The following DMBX1 variants were observed in gnomAD, a reference collection of about 807,000 sequenced individuals.
DMBX1 encodes diencephalon/mesencephalon homeobox 1.
In DMBX1, 7 loss-of-function variants were observed where a neutral mutation model predicts 30.4. That is an observed-to-expected ratio of 0.23 (90% CI 0.13 to 0.43). The LOEUF is 0.43. Ranked by LOEUF, DMBX1 falls within the 20% of genes least tolerant of loss-of-function variation. The pLI is 1.00. For synonymous variants in DMBX1, 222 were observed against 214.2 expected (o/e 1.04, Z -0.32); for missense variants, 460 against 508.5 (o/e 0.90, Z 0.92).
chr1:46,498,938 C>T (rs1450527368), intron 2 of DMBX1, among the ~76,000 whole-genome samples: 2 of 152,174 alleles, frequency 1.3e-5, no homozygotes, highest in African/African-American at 4.8e-5. Flanking sequence ...AGGAGCTTAG[C>T]AGGGAAGATT....
intron 3 of DMBX1, among the ~76,000 whole-genome samples, chr1:46,508,722 A>G (rs916371191): frequency 6.6e-6 from 1 of 152,180 alleles, no homozygotes; most frequent in Non-Finnish European, 1.5e-5. Context: ...CATGAACTCC[A>G]AGTGAGCCTT....
intron 3 of DMBX1, among the ~76,000 whole-genome samples, chr1:46,507,840 G>A (rs553291388): frequency 1.3e-5 from 2 of 152,294 alleles, no homozygotes; most frequent in Admixed American, 1.3e-4. Context: ...ATAAAAAGGA[G>A]ACAATGGCCA....
rs999236367 is a variant in DMBX1, at chr1:46,514,843, G to A, written c.*2349G>A. Among the ~76,000 whole-genome samples, 13 of 152,188 alleles carry A rather than the reference G, an allele frequency of 8.5e-5. No individual in the cohort carries two copies. Among genetic ancestry groups the A allele is most frequent in the South Asian group, 4.1e-4 (2 of 4,826 alleles). ...CCCTTGATGGGGGTCAGCCTAGGCTGGGGCAGATGGAGAAGGCTTTGGACA... is the reference window on the plus strand; with the variant it reads ...CCCTTGATGGGGGTCAGCCTAGGCTAGGGCAGATGGAGAAGGCTTTGGACA... On this transcript the variant is annotated 3_prime_UTR_variant, in exon 6 of 6. Coordinates refer to ENST00000360032, the MANE Select transcript of DMBX1 (RefSeq NM_172225.2).
chr1:46,498,204 G>A (rs1666060911), intron 2 of DMBX1, among the ~76,000 whole-genome samples: 1 of 152,176 alleles, frequency 6.6e-6, no homozygotes, highest in Non-Finnish European at 1.5e-5. Flanking sequence ...CACTGGGCAG[G>A]GGTCACCCTC....
intron 2 of DMBX1, among the ~76,000 whole-genome samples, chr1:46,495,790 T>C (rs963830222): frequency 6.6e-6 from 1 of 152,172 alleles, no homozygotes; most frequent in Non-Finnish European, 1.5e-5. Context: ...GCAAGCTTAA[T>C]GCAAGTCAGG....
rs1348193838 is a variant in DMBX1, at chr1:46,491,607, G to A, written c.-13+824G>A. On this transcript the variant is annotated intron_variant, in intron 2 of 5. Transcript: ENST00000360032. The surrounding 1 kb of genome is among the most constrained non-coding windows in gnomAD (Gnocchi z 5.5). The stretch of plus-strand genomic sequence containing the variant: ...GTGCAAGTTCCTACCTGGCTGTGGC[G>A]ATGGCAGGGCGACCAGAGTCCTTTC... Among the ~76,000 whole-genome samples the A allele has an allele frequency of 3.3e-5, 5 of 152,354 alleles. No homozygotes were observed. The South Asian group carries it at 8.3e-4, about 25-fold the overall frequency.
At position 46,507,169 on chromosome 1, in the gene DMBX1, G is replaced by GC; in HGVS notation, c.154+5_154+6insC. 6.2e-7 allele frequency: 1 copy of GC among 1,614,042 alleles called. No homozygotes were observed. Among genetic ancestry groups the GC allele is most frequent in the African/African-American group, 1.3e-5 (1 of 75,060 alleles). ...CATTGGCTGAGCGCCTGGCTGGTAAGGGCCCTGGGGATGGGACCATGGGGA... is the reference window on the plus strand; with the variant it reads ...CATTGGCTGAGCGCCTGGCTGGTAAGCGGCCCTGGGGATGGGACCATGGGGA... On this transcript the variant is annotated splice_donor_region_variant and intron_variant, in intron 3 of 5. Transcript: ENST00000360032.
rs1312492329 is a variant in DMBX1 at position 46,511,180 on chromosome 1, C to T, written c.579C>T (p.Asp193=). Reference sequence around the variant, plus strand: ...AGTCAGCCCCCGAGGATCAGCCGGACCGTGAGGAGGACCCCAGGGCAGGGG... The same window carrying T: ...AGTCAGCCCCCGAGGATCAGCCGGATCGTGAGGAGGACCCCAGGGCAGGGG... ...ASESAPEDQP[D]REEDPRAGAE... Residue 193 remains aspartate, a synonymous_variant, in exon 5 of 6, where the codon GAC becomes GAT. Coordinates refer to ENST00000360032, the MANE Select transcript of DMBX1 (RefSeq NM_172225.2). 1.9e-6 allele frequency: 3 copies of T among 1,613,638 alleles called. No homozygotes were observed. Among genetic ancestry groups the T allele is most frequent in the African/African-American group, 2.7e-5 (2 of 74,918 alleles).
At chr1:46,490,495 G>A (rs1196640397) in intron 1 of DMBX1, among the ~76,000 whole-genome samples, 149 bp from the exon 2 acceptor site, 4 of 152,212 alleles carry the variant, frequency 2.6e-5, no homozygotes, top group African/African-American at 9.6e-5. Context: ...GGAGCCCTGG[G>A]CGGGGGCTGG....
chr1:46,509,639 C>T (rs1483480371), intron 3 of DMBX1, among the ~76,000 whole-genome samples: 1 of 152,114 alleles, frequency 6.6e-6, no homozygotes, highest in East Asian at 1.9e-4. Flanking sequence ...TATCATGTTA[C>T]CAGACATGTG....
At chr1:46,499,046 CTT>C (rs1244109519) in intron 2 of DMBX1, among the ~76,000 whole-genome samples, 4 of 145,078 alleles carry the variant, frequency 2.8e-5, no homozygotes. Flanking sequence ...CTTTTCTTTT[CTT>C]TTTTTTTTTT....
In DMBX1 at chr1:46,491,421, G is replaced by T. The variant is rs1043042326; in HGVS notation, c.-13+638G>T. On this transcript the variant is annotated intron_variant, in intron 2 of 5. Coordinates refer to ENST00000360032, the MANE Select transcript of DMBX1 (RefSeq NM_172225.2). The surrounding 1 kb of genome is among the most constrained non-coding windows in gnomAD (Gnocchi z 5.5). ...AGAAGGTCTTTTTCGTTTGAGAAAA[G>T]TCCTCGGAGGCCGGGGCAGGGTGCG... Among the ~76,000 whole-genome samples, 3 of 152,364 alleles carry T rather than the reference G, an allele frequency of 2.0e-5. No homozygotes were observed. Among genetic ancestry groups the T allele is most frequent in the African/African-American group, 7.2e-5 (3 of 41,594 alleles).
chr1:46,504,143 A>G (rs926985104), intron 2 of DMBX1, among the ~76,000 whole-genome samples: 2 of 150,774 alleles, frequency 1.3e-5, no homozygotes, highest in East Asian at 3.9e-4. Context: ...GGTTGCAAAA[A>G]TTTTCTCCCA....
At position 46,515,811 on chromosome 1, in the gene DMBX1, C is replaced by T. The variant is rs1666479489; in HGVS notation, c.*3317C>T. Among the ~76,000 whole-genome samples, 1 of 152,360 alleles carries T rather than the reference C, an allele frequency of 6.6e-6. No homozygotes were observed. Among genetic ancestry groups the T allele is most frequent in the African/African-American group, 2.4e-5 (1 of 41,602 alleles). On this transcript the variant is annotated 3_prime_UTR_variant, in exon 6 of 6. Coordinates refer to ENST00000360032, the MANE Select transcript of DMBX1 (RefSeq NM_172225.2). ...TGGGCCTGAAAGCCAGAGGCTCAAG[C>T]TCTGACTGTCCCTTCCAGGAATGCC... is the stretch of plus-strand genomic sequence containing the variant.
chr1:46,490,425 G>A (rs1422237306), intron 1 of DMBX1, among the ~76,000 whole-genome samples: 2 of 152,226 alleles, frequency 1.3e-5, no homozygotes, highest in Admixed American at 6.5e-5. Flanking sequence ...TTTGGAAGGG[G>A]GCGGCGCGGG....
chr1:46,512,075 G>T lies in DMBX1; in HGVS notation c.715G>T (p.Ala239Ser), dbSNP rs1666384217. The change falls in exon 6 of 6, where the codon GCC (alanine) becomes TCC (serine). Residue 239 changes from alanine (A) to serine (S), a missense_variant. Transcript: ENST00000360032. This position sits in a 1 kb window ranked among gnomAD's most constrained non-coding sequence, Gnocchi z 4.8. ...SPGSLTITPVAPGGGLLGPSH... is the reference protein window; with the variant it reads ...SPGSLTITPVSPGGGLLGPSH... Reference sequence around the variant, plus strand: ...AGGCAGCCTGACCATCACTCCTGTGGCCCCAGGGGGTGGCCTCCTGGGCCC... The same window carrying T: ...AGGCAGCCTGACCATCACTCCTGTGTCCCCAGGGGGTGGCCTCCTGGGCCC... The T allele has an allele frequency of 6.2e-7, 1 of 1,612,846 alleles. No homozygotes were observed. Among genetic ancestry groups the T allele is most frequent in the African/African-American group, 1.3e-5 (1 of 74,842 alleles).
Position 46,493,976 on chromosome 1 carries a change from C to G in DMBX1, c.-13+3193C>G, listed in dbSNP as rs2148480883. Among the ~76,000 whole-genome samples, 1 of 152,326 alleles carries G rather than the reference C, an allele frequency of 6.6e-6. No individual in the cohort carries two copies. The highest frequency in any genetic ancestry group is 2.4e-5 in the African/African-American group (1 of 41,572). Reference sequence around the variant, plus strand: ...AGGTCATCCCTGACAGACTTTGGGCCAAGGCTAACTGAGCAGGCAGGGCCA... The same window carrying G: ...AGGTCATCCCTGACAGACTTTGGGCGAAGGCTAACTGAGCAGGCAGGGCCA... On this transcript the variant is annotated intron_variant, in intron 2 of 5. Coordinates refer to ENST00000360032, the MANE Select transcript of DMBX1 (RefSeq NM_172225.2). The surrounding 1 kb of genome is among the most constrained non-coding windows in gnomAD (Gnocchi z 4.1).
Position 46,493,460 on chromosome 1 carries a change from C to T in DMBX1, c.-13+2677C>T, listed in dbSNP as rs998146691. 2.6e-5 allele frequency among the ~76,000 whole-genome samples: 4 copies of T among 152,236 alleles called. No homozygotes were observed. Among genetic ancestry groups the T allele is most frequent in the Admixed American group, 2.0e-4 (3 of 15,286 alleles). ...TCTTCCAAGCTTATTTGACTCTGCC[C>T]CAGTGTTGCCTGATGGGTGGACATC... On this transcript the variant is annotated intron_variant, in intron 2 of 5. Transcript: ENST00000360032. This position sits in a 1 kb window ranked among gnomAD's most constrained non-coding sequence, Gnocchi z 4.1.
At chr1:46,509,351 C>T (rs1267451373) in intron 3 of DMBX1, among the ~76,000 whole-genome samples, 1 of 152,194 alleles carries the variant, frequency 6.6e-6, no homozygotes, top group Non-Finnish European at 1.5e-5. Context: ...AGGCGTGAGC[C>T]ACTGTGCCGG....
Sources: allele counts gnomAD v4.1 joint callset (sites outside exome capture counted in the v4.1 genomes callset), GRCh38; gene constraint gnomAD v4.1.1; non-coding constraint Gnocchi (gnomAD v3.1); transcripts MANE v1.5; gene names NCBI Gene and HGNC (gene_info 2026-07-23, HGNC 2026-07-21).